The following LRPAP1 variants were observed in gnomAD, a reference collection of about 807,000 sequenced individuals.
LRPAP1 encodes the protein LDL receptor related protein associated protein 1, also known as alpha-2-macroglobulin receptor-associated protein.
LRPAP1 carries 41 observed loss-of-function variants against 39.9 expected under a neutral mutation model. That is an observed-to-expected ratio of 1.03 (90% CI 0.80 to 1.33). LRPAP1 has a LOEUF of 1.33. Ranked by LOEUF, LRPAP1 falls within the 40% of genes most tolerant of loss-of-function variation. The pLI, the probability that LRPAP1 is intolerant of heterozygous loss-of-function variation, is 0.00. For synonymous variants in LRPAP1, 263 were observed against 212.7 expected, an observed-to-expected ratio of 1.24 and a Z score of -2.06; for missense variants, 565 against 482.3, an observed-to-expected ratio of 1.17 and a Z score of -1.61.
intron 4 of LRPAP1, among the ~76,000 whole-genome samples, chr4:3,518,578 G>A (rs1243751703): frequency 2.0e-5 from 3 of 152,152 alleles, no homozygotes; most frequent in African/African-American, 7.2e-5. Context: ...ACCCATCAGC[G>A]AAGCTCAGGT....
At chr4:3,518,755 G>A (rs541800711) in intron 4 of LRPAP1, 116 bp downstream of exon 4, 13 of 685,680 alleles carry the variant, frequency 1.9e-5, no homozygotes, top group Admixed American at 6.2e-5. Context: ...TGCCCCTGCT[G>A]TGTTCCTGAG....
rs1411945866 is a variant in LRPAP1 at position 3,532,345 on chromosome 4, A to G, written c.68T>C (p.Leu23Pro). 6.3e-7 allele frequency: 1 copy of G among 1,593,236 alleles called. No homozygotes were observed. The highest frequency in any genetic ancestry group is 8.5e-7 in the Non-Finnish European group (1 of 1,170,282). The change falls in exon 1 of 8, where the codon CTC becomes CCC. Residue 23 changes from leucine to proline, a missense_variant. By Grantham distance (98) the Leu-to-Pro change is moderately conservative. Coordinates refer to ENST00000650182, the MANE Select transcript of LRPAP1 (RefSeq NM_002337.4). ...GTGGCTCGCAGCGGGCCAGGGCCCG[A>G]GGAAGAGCAGCAGCAGTAGCAGCGC... ...LPALLLLLLF[L>P]GPWPAASHGG...
chr4:3,516,526 A>G (rs1729710855), intron 5 of LRPAP1, among the ~76,000 whole-genome samples: 1 of 152,208 alleles, frequency 6.6e-6, no homozygotes, highest in South Asian at 2.1e-4. Flanking sequence ...GAGGCAGAGG[A>G]TGGACGTGGC....
intron 1 of LRPAP1, among the ~76,000 whole-genome samples, chr4:3,530,726 G>A (rs1266732707): frequency 6.6e-6 from 1 of 152,226 alleles, no homozygotes. Flanking sequence ...GTGTATTGCT[G>A]CAGGAGGCCT....
At position 3,529,322 on chromosome 4, in the gene LRPAP1, C is replaced by CA. The variant is rs542890919; in HGVS notation, c.204+2886dup. On this transcript the variant is annotated intron_variant, in intron 1 of 7. Transcript: ENST00000650182. ...TCGGCGACAGAGTGAGACTCTGTCT[C>CA]AAAAAAAACAAAAAAACAAAAAACC... Among the ~76,000 whole-genome samples, 686 of 150,546 alleles carry CA rather than the reference C, an allele frequency of 4.6e-3. 5 individuals are homozygous for CA. Among genetic ancestry groups the CA allele is most frequent in the African/African-American group, 0.016 (637 of 40,942 alleles).
At chr4:3,531,884 G>C (rs994953847) in intron 1 of LRPAP1, 15 of 409,712 alleles carry the variant, frequency 3.7e-5, no homozygotes, top group Non-Finnish European at 6.1e-5. Context: ...TCGGGAGGCA[G>C]GAGACCTGTG....
In LRPAP1 at chr4:3,505,837, G is replaced by T. The variant is rs1047549768; in HGVS notation, c.*7137C>A. On this transcript the variant is annotated 3_prime_UTR_variant, in exon 8 of 8. Transcript: ENST00000650182. ...TGGAGCTGGAAGCCATCAAGTTCCTGGGTAGAGATGACCTTTCAGATGGAT... is the reference window on the plus strand; with the variant it reads ...TGGAGCTGGAAGCCATCAAGTTCCTTGGTAGAGATGACCTTTCAGATGGAT... Among the ~76,000 whole-genome samples the T allele has an allele frequency of 1.3e-5, 2 of 152,236 alleles. No homozygotes were observed. Among genetic ancestry groups the T allele is most frequent in the African/African-American group, 2.4e-5 (1 of 41,466 alleles).
At chr4:3,514,997 G>A in intron 6 of LRPAP1, 69 bp from the exon 7 acceptor site, 1 of 1,555,666 alleles carries the variant, frequency 6.4e-7, no homozygotes, top group Non-Finnish European at 8.8e-7. Flanking sequence ...GGTCCCGGGT[G>A]AACTGCAAGG....
chr4:3,526,751 G>A (rs1265484208), intron 1 of LRPAP1, among the ~76,000 whole-genome samples: 4 of 152,176 alleles, frequency 2.6e-5, no homozygotes, highest in African/African-American at 9.7e-5. Context: ...AGCCCATCCT[G>A]CTCCCTGCAG....
intron 5 of LRPAP1, among the ~76,000 whole-genome samples, chr4:3,517,200 G>T (rs372179008): frequency 7.2e-5 from 11 of 152,370 alleles, no homozygotes; most frequent in African/African-American, 2.6e-4. Flanking sequence ...GGGCACTCAG[G>T]TGACAGCAGC....
In LRPAP1 at chr4:3,532,303, C is replaced by T; in HGVS notation, c.110G>A (p.Arg37Gln). 1.9e-6 allele frequency: 3 copies of T among 1,574,238 alleles called. No homozygotes were observed. Among genetic ancestry groups the T allele is most frequent in the Non-Finnish European group, 1.7e-6 (2 of 1,159,434 alleles). The change falls in exon 1 of 8, where the codon CGG becomes CAG. Residue 37 changes from arginine (R) to glutamine (Q), a missense_variant. Physicochemically the swap from Arg to Gln is conservative, Grantham distance 43. Coordinates refer to ENST00000650182, the MANE Select transcript of LRPAP1 (RefSeq NM_002337.4). ...PAASHGGKYSREKNQPKPSPK... is the reference protein window; with the variant it reads ...PAASHGGKYSQEKNQPKPSPK... The stretch of plus-strand genomic sequence containing the variant: ...GGACGGCTTGGGCTGGTTCTTCTCC[C>T]GCGAGTACTTGCCGCCGTGGCTCGC...
rs1729826845 is a variant in LRPAP1 at position 3,519,114 on chromosome 4, T to C, written c.472-123A>G. ...CCTACGTGAGTGCCAGGCCAGGTTC[T>C]TGGCCTCACGAAGGGCAGGAAAACA... On this transcript the variant is annotated intron_variant, in intron 3 of 7. Coordinates refer to ENST00000650182, the MANE Select transcript of LRPAP1 (RefSeq NM_002337.4). The C allele has an allele frequency of 4.1e-6, 6 of 1,471,506 alleles. No homozygotes were observed. In the South Asian group the frequency reaches 5.5e-5, roughly 14 times the overall value. The allele number at this position is 1,471,506 out of a possible 1,614,324, so 91.2% of individuals were successfully genotyped here. A position where few individuals can be genotyped will look rare whatever the true frequency, so the allele number is the denominator to read the frequency against.
chr4:3,523,947 G>T (rs1730000650), intron 2 of LRPAP1, among the ~76,000 whole-genome samples: 1 of 152,084 alleles, frequency 6.6e-6, no homozygotes, highest in Non-Finnish European at 1.5e-5. Flanking sequence ...CTGTGCCGGG[G>T]GCCCAGGTCA....
At chr4:3,529,227 G>T (rs1410455590) in intron 1 of LRPAP1, among the ~76,000 whole-genome samples, 1 of 152,042 alleles carries the variant, frequency 6.6e-6, no homozygotes, top group Non-Finnish European at 1.5e-5. Flanking sequence ...GGAGGCTGAG[G>T]CACGAGAATC....
intron 5 of LRPAP1, among the ~76,000 whole-genome samples, chr4:3,516,753 G>A (rs1729718442): frequency 6.6e-6 from 1 of 152,192 alleles, no homozygotes; most frequent in African/African-American, 2.4e-5. Context: ...GAGAGACTCC[G>A]GGGCTGTCAC....
intron 5 of LRPAP1, 65 bp downstream of exon 5, chr4:3,517,969 G>C (rs1483656865): frequency 5.2e-6 from 8 of 1,525,858 alleles, no homozygotes; most frequent in Non-Finnish European, 7.0e-6. Flanking sequence ...CTGCCTGCTT[G>C]TCCCCAAAAC....
chr4:3,514,508 G>A (rs960522016), intron 7 of LRPAP1, among the ~76,000 whole-genome samples: 19 of 152,362 alleles, frequency 1.2e-4, no homozygotes, highest in Admixed American at 1.0e-3. Context: ...GCAGTGGCCC[G>A]CCGGGGCCTG....
Position 3,512,856 on chromosome 4 carries a change from C to T in LRPAP1, c.*118G>A, listed in dbSNP as rs1729572070. On this transcript the variant is annotated 3_prime_UTR_variant, in exon 8 of 8. Coordinates refer to ENST00000650182, the MANE Select transcript of LRPAP1 (RefSeq NM_002337.4). ...TCACCAGAAACAATCCTTCCTGCCT[C>T]GACACCCGTGCCAGCCCCAGCCACC... 15 of 797,604 alleles carry T rather than the reference C, an allele frequency of 1.9e-5. No homozygotes were observed. Among genetic ancestry groups the T allele is most frequent in the Admixed American group, 7.8e-5 (3 of 38,386 alleles). The allele number at this position is 797,604 out of a possible 1,614,324, so 49.4% of individuals were successfully genotyped here.
intron 2 of LRPAP1, 59 bp from the exon 3 acceptor site, chr4:3,520,252 A>C: frequency 6.3e-7 from 1 of 1,582,854 alleles, no homozygotes; most frequent in Non-Finnish European, 8.6e-7. Context: ...GTCAAAAGCC[A>C]ACACATCTGG....
Sources: gnomAD v4.1 joint callset for allele counts (sites outside exome capture counted in the v4.1 genomes callset) on GRCh38, gnomAD v4.1.1 for gene constraint, MANE v1.5 for transcripts, NCBI Gene and HGNC (gene_info 2026-07-23, HGNC 2026-07-21) for gene names.